PPP2R1A: variants seen among roughly 807,000 people sequenced by gnomAD.
PPP2R1A encodes the protein serine/threonine-protein phosphatase 2A 65 kDa regulatory subunit A alpha isoform.
Under a neutral mutation model 67.1 loss-of-function variants are expected in PPP2R1A, and 15 were observed. The ratio of observed to expected loss-of-function variants is 0.22; its 90% CI spans 0.15 to 0.34. The LOEUF (loss-of-function observed/expected upper bound fraction) is 0.34, where lower values mean the gene tolerates loss of function less well. PPP2R1A is among the 10% of genes least tolerant of loss of function. The probability of loss-of-function intolerance (pLI) is 1.00; values close to 1 mark genes in which losing one functional copy is unlikely to be tolerated. For synonymous variants in PPP2R1A, 337 were observed against 325.0 expected (o/e 1.04, Z -0.40); for missense variants, 369 against 775.0 (o/e 0.48, Z 6.22).
At chr19:52,208,705 G>C (rs1323713718) in intron 3 of PPP2R1A, among the ~76,000 whole-genome samples, 1 of 151,982 alleles carries the variant, frequency 6.6e-6, no homozygotes, top group Admixed American at 6.6e-5. Flanking sequence ...TCACCATGTT[G>C]GCCAGGCTGG....
intron 1 of PPP2R1A, among the ~76,000 whole-genome samples, chr19:52,198,475 C>T (rs1336044986): frequency 1.3e-5 from 2 of 151,956 alleles, no homozygotes; most frequent in Admixed American, 6.6e-5. Context: ...TTTGCTGGAG[C>T]GGCTCACAGA....
chr19:52,207,930 G>A (rs1321660997), intron 3 of PPP2R1A, among the ~76,000 whole-genome samples: 1 of 152,146 alleles, frequency 6.6e-6, no homozygotes, highest in Non-Finnish European at 1.5e-5. Flanking sequence ...GGTGGGATGG[G>A]AAGTTGTCAG....
chr19:52,203,019 A>G (rs533965355), intron 2 of PPP2R1A, among the ~76,000 whole-genome samples: 2 of 152,324 alleles, frequency 1.3e-5, no homozygotes, highest in East Asian at 3.9e-4. Context: ...TCCCATTACT[A>G]CTTCATATTT....
chr19:52,190,316 T>G (rs2122268845), intron 1 of PPP2R1A, 142 bp downstream of exon 1: 3 of 980,946 alleles, frequency 3.1e-6, no homozygotes, highest in Non-Finnish European at 3.0e-6. Flanking sequence ...ATCTCCCCGG[T>G]TGCCCGGACT....
intron 1 of PPP2R1A, among the ~76,000 whole-genome samples, chr19:52,197,393 A>G (rs1426424407): frequency 6.6e-6 from 1 of 152,084 alleles, no homozygotes; most frequent in Non-Finnish European, 1.5e-5. Context: ...AACCAAAAAA[A>G]GCCGGGTGCA....
chr19:52,220,498 G>A (rs947379692), intron 11 of PPP2R1A, among the ~76,000 whole-genome samples: 5 of 152,144 alleles, frequency 3.3e-5, no homozygotes, highest in African/African-American at 1.2e-4. Flanking sequence ...CCAGACCAGG[G>A]TTTTGAATCC....
At position 52,219,128 on chromosome 19, in the gene PPP2R1A, G is replaced by A. The variant is rs1460732587; in HGVS notation, c.1129-563G>A. ...TCTCTTCTCATGCACATGTTCAGCA[G>A]CTTGAGGCTCACACAGCAAGGGCTG... On this transcript the variant is annotated intron_variant, in intron 9 of 14. Transcript: ENST00000322088. This position sits in a 1 kb window ranked among gnomAD's most constrained non-coding sequence, Gnocchi z 4.0. 2.0e-5 allele frequency among the ~76,000 whole-genome samples: 3 copies of A among 152,208 alleles called. No homozygotes were observed. Among genetic ancestry groups the A allele is most frequent in the Admixed American group, 6.5e-5 (1 of 15,282 alleles).
In PPP2R1A at chr19:52,211,575, C is replaced by G; in HGVS notation, c.503+83C>G. The G allele has an allele frequency of 1.4e-6, 2 of 1,420,730 alleles. No individual in the cohort carries two copies. Among genetic ancestry groups the G allele is most frequent in the Non-Finnish European group, 9.5e-7 (1 of 1,051,192 alleles). The allele number at this position is 1,420,730 out of a possible 1,614,324, so 88.0% of individuals were successfully genotyped here. ...AAGCCTCAGACTCCTTTTGGTCTAG[C>G]TGGGGCCCAAATGCCCCTGAACTCT... On this transcript the variant is annotated intron_variant, in intron 4 of 14. Coordinates refer to ENST00000322088, the MANE Select transcript of PPP2R1A (RefSeq NM_014225.6). The surrounding 1 kb of genome is among the most constrained non-coding windows in gnomAD (Gnocchi z 5.3).
At position 52,227,789 on chromosome 19, in the gene PPP2R1A, C is replaced by A. The variant is rs1364303695; in HGVS notation, c.*1808C>A. ...TCTCTCCCAGTTGAGAACTACTGCT[C>A]TAGAAATGTGAACACACGTGTAACC... is the stretch of plus-strand genomic sequence containing the variant. On this transcript the variant is annotated 3_prime_UTR_variant, in exon 15 of 15. Coordinates refer to ENST00000322088, the MANE Select transcript of PPP2R1A (RefSeq NM_014225.6). 1.3e-5 allele frequency: 2 copies of A among 152,178 alleles called. No individual in the cohort carries two copies. The highest frequency in any genetic ancestry group is 2.9e-5 in the Non-Finnish European group (2 of 68,036). The allele number at this position is 152,178 out of a possible 1,614,324, so 9.4% of individuals were successfully genotyped here. A position where few individuals can be genotyped will look rare whatever the true frequency, so the allele number is the denominator to read the frequency against.
intron 1 of PPP2R1A, among the ~76,000 whole-genome samples, chr19:52,194,047 A>G (rs1026993520): frequency 4.5e-5 from 6 of 132,436 alleles, no homozygotes; most frequent in African/African-American, 1.7e-4. Flanking sequence ...AGGGAGATCG[A>G]GGCTGCGGTG....
intron 1 of PPP2R1A, chr19:52,190,405 G>C (rs566268056): frequency 1.7e-6 from 1 of 586,188 alleles, no homozygotes; most frequent in South Asian, 2.0e-5. Flanking sequence ...TCCCGGGCCT[G>C]CCCTGTGCGC....
intron 6 of PPP2R1A, among the ~76,000 whole-genome samples, chr19:52,214,304 C>A (rs1236708889): frequency 2.6e-5 from 4 of 152,132 alleles, no homozygotes; most frequent in African/African-American, 9.7e-5. Flanking sequence ...AGTGCCACTC[C>A]ACCCTGAGGC....
chr19:52,220,764 T>C (rs1978866967), intron 11 of PPP2R1A, among the ~76,000 whole-genome samples: 1 of 152,196 alleles, frequency 6.6e-6, no homozygotes, highest in African/African-American at 2.4e-5. Context: ...AAGCCAGTAG[T>C]GGAACCTACC....
At chr19:52,191,519 C>T (rs1160153621) in intron 1 of PPP2R1A, 2 of 152,162 alleles carry the variant, frequency 1.3e-5, no homozygotes, top group Non-Finnish European at 2.9e-5. Flanking sequence ...ACAAGGTGCA[C>T]TGGGTAACCT....
chr19:52,212,859 C>G lies in PPP2R1A; in HGVS notation c.651+26C>G, dbSNP rs768486061. 4 of 1,578,666 alleles carry G rather than the reference C, an allele frequency of 2.5e-6. No individual in the cohort carries two copies. The highest frequency in any genetic ancestry group is 1.2e-5 in the South Asian group (1 of 85,368). ...GTGAGTTTTGCTTCCTGGCCCTCTGCTCTCCCGTCCTTCTGGTGGTTCCTG... is the reference window on the plus strand; with the variant it reads ...GTGAGTTTTGCTTCCTGGCCCTCTGGTCTCCCGTCCTTCTGGTGGTTCCTG... On this transcript the variant is annotated intron_variant, in intron 5 of 14. Coordinates refer to ENST00000322088, the MANE Select transcript of PPP2R1A (RefSeq NM_014225.6). The surrounding 1 kb of genome is among the most constrained non-coding windows in gnomAD (Gnocchi z 4.1).
intron 6 of PPP2R1A, among the ~76,000 whole-genome samples, chr19:52,214,706 C>T (rs1466619093): frequency 6.6e-6 from 1 of 151,656 alleles, no homozygotes; most frequent in Non-Finnish European, 1.5e-5. Context: ...TGCCATGAAA[C>T]AGGCAGGGCC....
chr19:52,198,393 C>T (rs1464948885), intron 1 of PPP2R1A, among the ~76,000 whole-genome samples: 2 of 152,176 alleles, frequency 1.3e-5, no homozygotes, highest in Non-Finnish European at 2.9e-5. Context: ...GCCTGATTGT[C>T]ATGGGCCCAC....
At chr19:52,194,217 A>C (rs2089479141) in intron 1 of PPP2R1A, among the ~76,000 whole-genome samples, 1 of 151,956 alleles carries the variant, frequency 6.6e-6, no homozygotes, top group African/African-American at 2.4e-5. Context: ...TTGAACAAGG[A>C]TTTGAATGAA....
intron 3 of PPP2R1A, among the ~76,000 whole-genome samples, chr19:52,209,771 A>G (rs1201818584): frequency 6.6e-6 from 1 of 152,200 alleles, no homozygotes; most frequent in Non-Finnish European, 1.5e-5. Context: ...CTTTATGACT[A>G]TTAGCTAATT....
Sources: allele counts gnomAD v4.1 joint callset (sites outside exome capture counted in the v4.1 genomes callset), GRCh38; gene constraint gnomAD v4.1.1; non-coding constraint Gnocchi (gnomAD v3.1); transcripts MANE v1.5; gene names NCBI Gene and HGNC (gene_info 2026-07-23, HGNC 2026-07-21).